The following FARP1 variants were observed in gnomAD, a reference collection of about 807,000 sequenced individuals.
FARP1 encodes FERM, ARHGEF and pleckstrin domain-containing protein 1.
Under a neutral mutation model 128.8 loss-of-function variants are expected in FARP1, and 52 were observed. The observed-to-expected ratio is 0.40, with a 90% confidence interval of 0.32 to 0.51. The LOEUF (loss-of-function observed/expected upper bound fraction) is 0.51, where lower values mean the gene tolerates loss of function less well. FARP1 is among the 20% of genes least tolerant of loss of function. FARP1 has a pLI of 0.45. For missense variants in FARP1, 1,333 were observed against 1,367.9 expected (o/e 0.97, Z 0.40); for synonymous variants, 580 against 551.8 (o/e 1.05, Z -0.72).
chr13:98,268,629 G>A (rs1884243775), intron 2 of FARP1, among the ~76,000 whole-genome samples: 1 of 151,968 alleles, frequency 6.6e-6, no homozygotes, highest in African/African-American at 2.4e-5. Context: ...CAACACGCCC[G>A]GCTAATTTTT....
At chr13:98,393,196 C>T (rs1566948109) in intron 11 of FARP1, among the ~76,000 whole-genome samples, 3 of 152,138 alleles carry the variant, frequency 2.0e-5, no homozygotes, top group Non-Finnish European at 4.4e-5. Flanking sequence ...ATAGAGTGAG[C>T]GGATGAGTGG....
At chr13:98,293,314 C>G (rs749987872) in intron 2 of FARP1, among the ~76,000 whole-genome samples, 2 of 152,086 alleles carry the variant, frequency 1.3e-5, no homozygotes, top group Non-Finnish European at 2.9e-5. Context: ...CAGGGATGCC[C>G]AGGAGTAAGT....
At chr13:98,288,526 G>A (rs543486230) in intron 2 of FARP1, among the ~76,000 whole-genome samples, 4 of 152,096 alleles carry the variant, frequency 2.6e-5, no homozygotes, top group Non-Finnish European at 5.9e-5. Context: ...TGCGCTTGTG[G>A]CCTCACTGTG....
intron 2 of FARP1, among the ~76,000 whole-genome samples, chr13:98,274,156 C>T (rs1884521929): frequency 6.6e-6 from 1 of 151,980 alleles, no homozygotes; most frequent in Non-Finnish European, 1.5e-5. Flanking sequence ...TTCAGATGTA[C>T]CTGTAGGCCT....
chr13:98,374,843 G>A (rs1889510533), intron 5 of FARP1, among the ~76,000 whole-genome samples: 1 of 152,244 alleles, frequency 6.6e-6, no homozygotes. Flanking sequence ...GCAAAGGGGA[G>A]CTGGCATGTG....
intron 2 of FARP1, among the ~76,000 whole-genome samples, chr13:98,228,810 G>A (rs773518871): frequency 3.9e-5 from 6 of 152,118 alleles, no homozygotes; most frequent in Non-Finnish European, 7.3e-5. Flanking sequence ...TAGGCTATCC[G>A]ATGATTGAAA....
intron 2 of FARP1, among the ~76,000 whole-genome samples, chr13:98,226,467 G>A (rs1396383099): frequency 2.7e-5 from 4 of 149,188 alleles, no homozygotes; most frequent in Admixed American, 6.7e-5. Flanking sequence ...CCAGGGATTA[G>A]GACTTCATCT....
intron 2 of FARP1, among the ~76,000 whole-genome samples, chr13:98,268,778 TTGTGTGTGTGTGTGTGTGTGTGTG>T (rs59132299): frequency 1.3e-5 from 2 of 148,284 alleles, no homozygotes; most frequent in African/African-American, 5.0e-5. Context: ...TTTCCCTTCT[TTGTGTGTGTGTGTGTGTGTGTGTG>T]TGTGTGTGTG....
At chr13:98,408,170 G>A (rs1313247601) in intron 13 of FARP1, among the ~76,000 whole-genome samples, 2 of 152,038 alleles carry the variant, frequency 1.3e-5, no homozygotes, top group Non-Finnish European at 2.9e-5. Context: ...ATAAATATAA[G>A]TGTTAGACAA....
At chr13:98,307,846 T>G (rs1433312884) in intron 2 of FARP1, among the ~76,000 whole-genome samples, 1 of 152,042 alleles carries the variant, frequency 6.6e-6, no homozygotes, top group Non-Finnish European at 1.5e-5. Flanking sequence ...AATGTTACTC[T>G]TTTGGAAAAA....
intron 1 of FARP1, among the ~76,000 whole-genome samples, chr13:98,171,273 C>A (rs1278466043): frequency 6.6e-6 from 1 of 152,160 alleles, no homozygotes; most frequent in Non-Finnish European, 1.5e-5. Flanking sequence ...GGGTAATAAA[C>A]TTCTTTGGGG....
At chr13:98,429,246 G>A (rs1430012200) in intron 17 of FARP1, among the ~76,000 whole-genome samples, 1 of 152,236 alleles carries the variant, frequency 6.6e-6, no homozygotes, top group Non-Finnish European at 1.5e-5. Context: ...AACCCCGAGG[G>A]ATGGGGGGTC....
At chr13:98,255,327 G>A (rs1437684359) in intron 2 of FARP1, among the ~76,000 whole-genome samples, 5 of 151,994 alleles carry the variant, frequency 3.3e-5, no homozygotes, top group Admixed American at 6.6e-5. Flanking sequence ...GTGAAACCCC[G>A]TCTCTACTAA....
chr13:98,407,253 C>G (rs571957063), intron 13 of FARP1: 1 of 152,796 alleles, frequency 6.5e-6, no homozygotes, highest in East Asian at 1.9e-4. Context: ...CAGCAACTCA[C>G]AAATGCATGA....
chr13:98,392,974 T>C (rs1005730853), intron 11 of FARP1, among the ~76,000 whole-genome samples: 13 of 152,308 alleles, frequency 8.5e-5, no homozygotes, highest in South Asian at 2.1e-4. Flanking sequence ...CCTGGAGTAT[T>C]TTGAAGAAGA....
At chr13:98,184,124 G>A (rs1234464328) in intron 1 of FARP1, among the ~76,000 whole-genome samples, 1 of 150,744 alleles carries the variant, frequency 6.6e-6, no homozygotes, top group Non-Finnish European at 1.5e-5. Context: ...TTTTTTGTTT[G>A]TTTTTTTTTG....
rs5806053 is a variant in FARP1 at position 98,190,733 on chromosome 13, G to GT, written c.-23-22470dup. 8.4e-3 allele frequency among the ~76,000 whole-genome samples: 1,095 copies of GT among 130,966 alleles called. 14 individuals carry two copies. The highest frequency in any genetic ancestry group is 0.023 in the African/African-American group (836 of 35,900). The allele number at this position is 130,966 out of a possible 152,430, so 85.9% of individuals were successfully genotyped here. A position where few individuals can be genotyped will look rare whatever the true frequency, so the allele number is the denominator to read the frequency against. On this transcript the variant is annotated intron_variant, in intron 1 of 26. Transcript: ENST00000319562. ...CATGCCACCATGCCCAGCTTTTTAA[G>GT]TTTTTTTTTTTTTTTTTGGAGAGAC...
At position 98,363,735 on chromosome 13, in the gene FARP1, AATTT is replaced by A. The variant is rs201724319; in HGVS notation, c.277-1651_277-1648del. On this transcript the variant is annotated intron_variant, in intron 3 of 26. Transcript: ENST00000319562. Reference sequence around the variant, plus strand: ...GCTCTCCTGTGACTCCTGTCTTTTGAATTTATTTATTTCTTTCTTTTTTCAAGAC... The same window carrying A: ...GCTCTCCTGTGACTCCTGTCTTTTGAATTTATTTCTTTCTTTTTTCAAGAC... 5.0e-3 allele frequency among the ~76,000 whole-genome samples: 756 copies of A among 152,066 alleles called. 5 individuals carry two copies. The highest frequency in any genetic ancestry group is 0.017 in the African/African-American group (709 of 41,484).
intron 1 of FARP1, among the ~76,000 whole-genome samples, chr13:98,193,606 A>C (rs535324975): frequency 1.3e-5 from 2 of 152,216 alleles, no homozygotes; most frequent in Non-Finnish European, 2.9e-5. Flanking sequence ...TTCTGGAGAC[A>C]TTCTTTAATT....
Sources: gnomAD v4.1 joint callset for allele counts (sites outside exome capture counted in the v4.1 genomes callset) on GRCh38, gnomAD v4.1.1 for gene constraint, MANE v1.5 for transcripts, NCBI Gene and HGNC (gene_info 2026-07-23, HGNC 2026-07-21) for gene names.